The following SDCCAG8 variants were observed in gnomAD, a reference collection of about 807,000 sequenced individuals.
SDCCAG8 encodes the protein SHH signaling and ciliogenesis regulator SDCCAG8, also known as serologically defined colon cancer antigen 8.
Under a neutral mutation model 101.8 loss-of-function variants are expected in SDCCAG8, and 74 were observed. The ratio of observed to expected loss-of-function variants is 0.73; its 90% CI spans 0.60 to 0.88. The LOEUF is 0.88. SDCCAG8 is among the 40% of genes least tolerant of loss of function. The pLI, the probability that SDCCAG8 is intolerant of heterozygous loss-of-function variation, is 0.00. For synonymous variants in SDCCAG8, 281 were observed against 292.9 expected (o/e 0.96, Z 0.41); for missense variants, 787 against 822.6 (o/e 0.96, Z 0.53).
chr1:243,403,682 G>T (rs1401621106), intron 13 of SDCCAG8, among the ~76,000 whole-genome samples: 2 of 152,110 alleles, frequency 1.3e-5, no homozygotes, highest in Admixed American at 6.5e-5. Flanking sequence ...TGTAAACTGC[G>T]CATGTGAGGG....
At chr1:243,324,063 G>T (rs11799331) in intron 9 of SDCCAG8, among the ~76,000 whole-genome samples, 2,441 of 152,104 alleles carry the variant, frequency 0.016, 70 homozygotes, top group African/African-American at 0.055. Flanking sequence ...TATTACCAGT[G>T]AATACACCCA....
intron 17 of SDCCAG8, among the ~76,000 whole-genome samples, chr1:243,497,337 TG>T (rs373624566): frequency 0.044 from 1,537 of 35,310 alleles, 29 homozygotes; most frequent in African/African-American, 0.088. Context: ...TAGGCACGGG[TG>T]GGGGGGGGGG....
At chr1:243,373,767 T>G (rs138144988) in intron 12 of SDCCAG8, among the ~76,000 whole-genome samples, 3 of 152,108 alleles carry the variant, frequency 2.0e-5, no homozygotes, top group Non-Finnish European at 4.4e-5. Context: ...TATTCCACTC[T>G]CAGTGGAAGG....
intron 9 of SDCCAG8, among the ~76,000 whole-genome samples, chr1:243,322,965 T>C (rs1344073969): frequency 6.6e-6 from 1 of 151,712 alleles, no homozygotes; most frequent in African/African-American, 2.4e-5. Flanking sequence ...TGAGACCCCG[T>C]CTCTACTAAA....
intron 12 of SDCCAG8, among the ~76,000 whole-genome samples, chr1:243,368,859 A>G (rs1243281534): frequency 1.3e-5 from 2 of 152,126 alleles, no homozygotes; most frequent in Non-Finnish European, 2.9e-5. Context: ...GTAGTAAGGT[A>G]TAACGGGTCC....
chr1:243,412,642 T>C (rs72759866), intron 13 of SDCCAG8, among the ~76,000 whole-genome samples: 17,344 of 151,934 alleles, frequency 0.11, 1,117 homozygotes, highest in African/African-American at 0.15. Context: ...TTAGTTTTAG[T>C]GTATTTTATG....
intron 4 of SDCCAG8, among the ~76,000 whole-genome samples, chr1:243,279,285 T>C (rs2068826943): frequency 6.6e-6 from 1 of 152,176 alleles, no homozygotes; most frequent in Non-Finnish European, 1.5e-5. Context: ...TATTCCTAGT[T>C]ACTGAGAGTA....
intron 12 of SDCCAG8, among the ~76,000 whole-genome samples, chr1:243,351,736 G>T (rs1337601466): frequency 6.6e-6 from 1 of 152,024 alleles, no homozygotes; most frequent in Non-Finnish European, 1.5e-5. Context: ...AGGATTTATT[G>T]GATTATACAA....
At chr1:243,461,232 C>T (rs1659043669) in intron 16 of SDCCAG8, among the ~76,000 whole-genome samples, 1 of 152,162 alleles carries the variant, frequency 6.6e-6, no homozygotes, top group South Asian at 2.1e-4. Context: ...TGAATCTTTG[C>T]CATTTGCGAT....
At chr1:243,353,041 C>T (rs1020276186) in intron 12 of SDCCAG8, among the ~76,000 whole-genome samples, 57 of 152,090 alleles carry the variant, frequency 3.7e-4, no homozygotes, top group Admixed American at 3.7e-3. Context: ...ATATTATGTG[C>T]ACTCTACTTA....
At chr1:243,338,027 C>A (rs555401419) in intron 10 of SDCCAG8, among the ~76,000 whole-genome samples, 1 of 152,144 alleles carries the variant, frequency 6.6e-6, no homozygotes, top group East Asian at 1.9e-4. Context: ...CTCAAGCAAT[C>A]CCCCTGCCTC....
chr1:243,469,975 C>T (rs999115366), intron 16 of SDCCAG8, among the ~76,000 whole-genome samples: 1 of 150,744 alleles, frequency 6.6e-6, no homozygotes, highest in Non-Finnish European at 1.5e-5. Context: ...ATGTAACTCC[C>T]CTTTCCACCC....
chr1:243,406,056 A>T (rs188436176), intron 13 of SDCCAG8, among the ~76,000 whole-genome samples: 2 of 152,338 alleles, frequency 1.3e-5, no homozygotes, highest in Non-Finnish European at 2.9e-5. Flanking sequence ...ATTTGAAGTT[A>T]CTCATCAGAG....
At chr1:243,415,212 G>A (rs2080486728) in intron 13 of SDCCAG8, among the ~76,000 whole-genome samples, 1 of 152,114 alleles carries the variant, frequency 6.6e-6, no homozygotes, top group African/African-American at 2.4e-5. Context: ...ATGTGGCACT[G>A]CAGAATCATT....
chr1:243,290,841 C>T (rs1199499979), intron 5 of SDCCAG8, among the ~76,000 whole-genome samples: 1 of 152,112 alleles, frequency 6.6e-6, no homozygotes, highest in Admixed American at 6.6e-5. Flanking sequence ...TGGCAGAGGC[C>T]CCTGTGCACA....
chr1:243,266,474 A>C (rs1427443989), intron 1 of SDCCAG8, among the ~76,000 whole-genome samples: 1 of 151,810 alleles, frequency 6.6e-6, no homozygotes, highest in East Asian at 1.9e-4. Context: ...ACAACACCAC[A>C]ACCTGCCAAC....
At chr1:243,292,369 A>C (rs752894905) in intron 5 of SDCCAG8, among the ~76,000 whole-genome samples, 11 of 152,220 alleles carry the variant, frequency 7.2e-5, no homozygotes, top group Admixed American at 2.0e-4. Flanking sequence ...TAAGGGTCTT[A>C]GAAGCACTTG....
At chr1:243,309,297 T>G (rs907574607) in intron 8 of SDCCAG8, among the ~76,000 whole-genome samples, 19 of 152,198 alleles carry the variant, frequency 1.2e-4, no homozygotes, top group Non-Finnish European at 2.9e-5. Context: ...ATTTTCTCAT[T>G]TTTAAAATGG....
At chr1:243,374,147 A>G (rs2077461227) in intron 12 of SDCCAG8, among the ~76,000 whole-genome samples, 1 of 152,192 alleles carries the variant, frequency 6.6e-6, no homozygotes, top group South Asian at 2.1e-4. Flanking sequence ...AACGTTCAAA[A>G]TGAGGTGTCA....
Sources: gnomAD v4.1 joint callset for allele counts (sites outside exome capture counted in the v4.1 genomes callset) on GRCh38, gnomAD v4.1.1 for gene constraint, MANE v1.5 for transcripts, NCBI Gene and HGNC (gene_info 2026-07-23, HGNC 2026-07-21) for gene names.